Variants in ARB2A observed in about 807,000 individuals in gnomAD.
ARB2A encodes the protein ARB2 cotranscriptional regulator A.
At chr5:93,667,799 T>G in the ARB2A span, among the ~76,000 whole-genome samples, 1 of 152,200 alleles carries the variant, frequency 6.6e-6, no homozygotes, top group Non-Finnish European at 1.5e-5. Flanking sequence ...GCTAGTGATA[T>G]TCATTAGTTT....
chr5:94,020,500 C>T, the ARB2A span, among the ~76,000 whole-genome samples: 1 of 152,064 alleles, frequency 6.6e-6, no homozygotes, highest in Non-Finnish European at 1.5e-5. Flanking sequence ...CAAGGGCCTG[C>T]CCAAATGGTA....
the ARB2A span, among the ~76,000 whole-genome samples, chr5:93,898,172 T>C: frequency 1.5e-4 from 23 of 152,208 alleles, no homozygotes; most frequent in Admixed American, 1.2e-3. Flanking sequence ...TTTCTTATAA[T>C]CTGAGTATAT....
chr5:93,642,460 C>G, the ARB2A span, among the ~76,000 whole-genome samples: 1 of 152,164 alleles, frequency 6.6e-6, no homozygotes, highest in Non-Finnish European at 1.5e-5. Flanking sequence ...CAACCTCTGT[C>G]TCCCAGGTTT....
the ARB2A span, among the ~76,000 whole-genome samples, chr5:93,938,701 TG>T: frequency 6.6e-6 from 1 of 152,180 alleles, no homozygotes. Context: ...AAATGCATCC[TG>T]GAGAGAGAGA....
the ARB2A span, chr5:93,620,822 C>A: frequency 1.2e-6 from 1 of 869,266 alleles, no homozygotes; most frequent in East Asian, 3.2e-5. Context: ...GACAGTTGCA[C>A]TCATCTAGAA....
At chr5:93,620,972 T>A in the ARB2A span, 2 of 1,600,560 alleles carry the variant, frequency 1.2e-6, no homozygotes, top group Non-Finnish European at 1.7e-6. Flanking sequence ...GCCTCCCCCG[T>A]CGCGCTCGCT....
chr5:93,702,422 C>T, the ARB2A span, among the ~76,000 whole-genome samples: 1 of 152,126 alleles, frequency 6.6e-6, no homozygotes, highest in Non-Finnish European at 1.5e-5. Flanking sequence ...TTTATCCTAA[C>T]ATCACTATCT....
At chr5:94,032,689 AAG>A in the ARB2A span, among the ~76,000 whole-genome samples, 1 of 152,274 alleles carries the variant, frequency 6.6e-6, no homozygotes, top group Admixed American at 6.5e-5. Flanking sequence ...TCCCAAAACC[AAG>A]AGAGCCCATC....
chr5:93,845,810 C>T, the ARB2A span, among the ~76,000 whole-genome samples: 1 of 152,284 alleles, frequency 6.6e-6, no homozygotes, highest in African/African-American at 2.4e-5. Context: ...CAATCTAGAA[C>T]ATCCTATAGA....
the ARB2A span, among the ~76,000 whole-genome samples, chr5:93,932,315 C>T: frequency 1.3e-5 from 2 of 152,062 alleles, no homozygotes; most frequent in Admixed American, 6.6e-5. Flanking sequence ...GGAAGGGAAG[C>T]GATGTGCACT....
the ARB2A span, chr5:93,741,276 G>A: frequency 2.7e-5 from 43 of 1,613,790 alleles, no homozygotes; most frequent in African/African-American, 2.7e-4. Flanking sequence ...GGGCGCCTTC[G>A]GAGGGGCGTC....
chr5:93,621,322 C>G, the ARB2A span, among the ~76,000 whole-genome samples: 1 of 151,904 alleles, frequency 6.6e-6, no homozygotes, highest in Non-Finnish European at 1.5e-5. Flanking sequence ...CGGGCGCGGG[C>G]CAGCCGACTC....
At chr5:93,988,437 CT>C in the ARB2A span, among the ~76,000 whole-genome samples, 1 of 152,184 alleles carries the variant, frequency 6.6e-6, no homozygotes, top group Non-Finnish European at 1.5e-5. Flanking sequence ...CACCCAGAAC[CT>C]TGGCAAATGA....
chr5:93,960,083 C>G, the ARB2A span, among the ~76,000 whole-genome samples: 4 of 114,236 alleles, frequency 3.5e-5, no homozygotes, highest in South Asian at 2.7e-4. Context: ...CTCTAGATGC[C>G]CCCCCCCCCC....
the ARB2A span, among the ~76,000 whole-genome samples, chr5:93,659,162 C>T: frequency 0.016 from 2,422 of 152,048 alleles, 44 homozygotes; most frequent in Non-Finnish European, 0.02. Context: ...ATTTCAACTA[C>T]CTTTAGCTCC....
the ARB2A span, among the ~76,000 whole-genome samples, chr5:93,890,982 T>C: frequency 6.6e-6 from 1 of 152,116 alleles, no homozygotes; most frequent in African/African-American, 2.4e-5. Context: ...TGTCAAACTG[T>C]AGCAACCCTT....
chr5:93,827,423 G>T, the ARB2A span, among the ~76,000 whole-genome samples: 3 of 152,022 alleles, frequency 2.0e-5, no homozygotes, highest in South Asian at 6.2e-4. Flanking sequence ...CATATCCTTC[G>T]CCCACTTTTT....
At chr5:93,684,403 A>G in the ARB2A span, among the ~76,000 whole-genome samples, 4 of 152,334 alleles carry the variant, frequency 2.6e-5, no homozygotes, top group East Asian at 1.9e-4. Flanking sequence ...GTAGCACTCA[A>G]TACAGGCTAG....
At chr5:93,775,695 T>TC in the ARB2A span, among the ~76,000 whole-genome samples, 1 of 152,228 alleles carries the variant, frequency 6.6e-6, no homozygotes, top group African/African-American at 2.4e-5. Context: ...TTGCATGTTT[T>TC]CCCACAGTCC....
Sources: allele counts gnomAD v4.1 joint callset (sites outside exome capture counted in the v4.1 genomes callset), GRCh38; gene constraint gnomAD v4.1.1; transcripts MANE v1.5; gene names NCBI Gene and HGNC (gene_info 2026-07-23, HGNC 2026-07-21).